PCSK5: variants seen among roughly 807,000 people sequenced by gnomAD.
PCSK5 encodes the protein proprotein convertase subtilisin/kexin type 5.
Under a neutral mutation model 233.2 loss-of-function variants are expected in PCSK5, and 129 were observed. The ratio of observed to expected loss-of-function variants is 0.55; its 90% confidence interval spans 0.48 to 0.64. PCSK5 has a LOEUF of 0.64. Among genes scored for constraint, PCSK5 ranks in the 30% least tolerant of loss-of-function variants. The pLI is 0.00. For synonymous variants in PCSK5, 825 were observed against 879.2 expected (o/e 0.94, Z 1.09); for missense variants, 2,076 against 2,430.1 (o/e 0.85, Z 3.06).
intron 2 of PCSK5, among the ~76,000 whole-genome samples, chr9:75,947,699 C>A (rs925003254): frequency 2.6e-5 from 4 of 152,152 alleles, no homozygotes; most frequent in Non-Finnish European, 5.9e-5. Context: ...CCTTCTTCAA[C>A]TCACTTTTGT....
At chr9:75,930,022 C>G (rs1823708265) in intron 1 of PCSK5, among the ~76,000 whole-genome samples, 1 of 152,050 alleles carries the variant, frequency 6.6e-6, no homozygotes, top group East Asian at 1.9e-4. Context: ...GCTACCACGC[C>G]CAGCTGATTT....
At chr9:76,025,411 GA>G (rs1819257560) in intron 4 of PCSK5, among the ~76,000 whole-genome samples, 1 of 151,842 alleles carries the variant, frequency 6.6e-6, no homozygotes, top group Non-Finnish European at 1.5e-5. Flanking sequence ...GAGAGAGAGA[GA>G]GAGAGAGAGA....
intron 2 of PCSK5, among the ~76,000 whole-genome samples, chr9:75,959,066 A>T (rs949166406): frequency 6.6e-6 from 1 of 152,206 alleles, no homozygotes; most frequent in Admixed American, 6.5e-5. Flanking sequence ...GGCAATTAAT[A>T]GGAGAGCAGT....
At chr9:76,214,296 ACACACACACACGTG>A (rs746936642) in intron 20 of PCSK5, among the ~76,000 whole-genome samples, 63 of 150,842 alleles carry the variant, frequency 4.2e-4, no homozygotes, top group Non-Finnish European at 6.5e-4. Flanking sequence ...ACATTCACTC[ACACACACACACGTG>A]CACACACACA....
At chr9:76,315,965 A>G (rs546276348) in intron 30 of PCSK5, among the ~76,000 whole-genome samples, 10 of 126,804 alleles carry the variant, frequency 7.9e-5, no homozygotes, top group Non-Finnish European at 1.6e-4. Flanking sequence ...TTTTGCTTGA[A>G]TCCATTTCTT....
At chr9:76,008,818 T>A (rs1180148246) in intron 3 of PCSK5, among the ~76,000 whole-genome samples, 1 of 152,224 alleles carries the variant, frequency 6.6e-6, no homozygotes, top group Non-Finnish European at 1.5e-5. Flanking sequence ...GTTGGAGATG[T>A]CATAGGACAA....
At chr9:75,911,201 G>GTTTTTTTTTTTTTTTT (rs71370772) in intron 1 of PCSK5, among the ~76,000 whole-genome samples, 13 of 48,766 alleles carry the variant, frequency 2.7e-4, no homozygotes, top group East Asian at 7.3e-4. Context: ...GAACATATAG[G>GTTTTTTTTTTTTTTTT]TTTTTTTTTT....
chr9:76,046,559 C>CTTTTTTTTTTTTTTTTTTTT (rs553542037), intron 5 of PCSK5, among the ~76,000 whole-genome samples: 147 of 104,778 alleles, frequency 1.4e-3, no homozygotes, highest in Non-Finnish European at 2.0e-3. Context: ...CTTTCTTTTT[C>CTTTTTTTTTTTTTTTTTTTT]TTTTTTTTTT....
Position 76,027,042 on chromosome 9 carries a change from G to A in PCSK5, c.632+5G>A. On this transcript the variant is annotated splice_donor_5th_base_variant and intron_variant, in intron 5 of 37. Transcript: ENST00000674117. Reference sequence around the variant, plus strand: ...TGATGCAAGCAACGAGAACAAGTAAGGCCCAAGTGAGGGGTGGCTGGCATG... The same window carrying A: ...TGATGCAAGCAACGAGAACAAGTAAAGCCCAAGTGAGGGGTGGCTGGCATG... The A allele has an allele frequency of 6.3e-7, 1 of 1,598,416 alleles. No homozygotes were observed. The highest frequency in any genetic ancestry group is 8.6e-7 in the Non-Finnish European group (1 of 1,169,094).
chr9:75,940,815 T>C (rs1297868401), intron 2 of PCSK5, among the ~76,000 whole-genome samples: 1 of 152,244 alleles, frequency 6.6e-6, no homozygotes, highest in Non-Finnish European at 1.5e-5. Context: ...AATTGATCCA[T>C]GGAGGCAACC....
At chr9:76,278,419 AAAAGT>A (rs1827756047) in intron 24 of PCSK5, among the ~76,000 whole-genome samples, 1 of 152,176 alleles carries the variant, frequency 6.6e-6, no homozygotes, top group African/African-American at 2.4e-5. Context: ...AAAGGAACAA[AAAAGT>A]AAAGAGCTTA....
chr9:75,956,995 C>T (rs1825122954), intron 2 of PCSK5, among the ~76,000 whole-genome samples: 1 of 152,072 alleles, frequency 6.6e-6, no homozygotes, highest in Non-Finnish European at 1.5e-5. Context: ...TTACGAATAA[C>T]ATTTTTTTAG....
At chr9:75,910,938 G>A (rs889102639) in intron 1 of PCSK5, among the ~76,000 whole-genome samples, 13 of 152,250 alleles carry the variant, frequency 8.5e-5, no homozygotes, top group East Asian at 3.9e-4. Flanking sequence ...AAATGTGATG[G>A]TCTGAATTTC....
chr9:76,038,420 CTTAA>C (rs1308076570), intron 5 of PCSK5, among the ~76,000 whole-genome samples: 3 of 152,172 alleles, frequency 2.0e-5, no homozygotes, highest in South Asian at 2.1e-4. Context: ...GGTCAGCAGT[CTTAA>C]TTGTGACCTG....
At position 76,312,424 on chromosome 9, in the gene PCSK5, G is replaced by A. The variant is rs955327469; in HGVS notation, c.3884+1573G>A. ...CTCGGGAGGCTGAAGCAGGAGACTCGTTTGAACTCGGGAGGTGGAGGTTGT... is the reference window on the plus strand; with the variant it reads ...CTCGGGAGGCTGAAGCAGGAGACTCATTTGAACTCGGGAGGTGGAGGTTGT... On this transcript the variant is annotated intron_variant, in intron 30 of 37. Transcript: ENST00000674117. Among the ~76,000 whole-genome samples the A allele has an allele frequency of 5.3e-5, 8 of 151,324 alleles. No individual in the cohort carries two copies. The South Asian group carries it at 8.4e-4, about 16-fold the overall frequency.
intron 25 of PCSK5, among the ~76,000 whole-genome samples, chr9:76,294,000 C>A (rs1335721440): frequency 6.6e-6 from 1 of 152,112 alleles, no homozygotes; most frequent in African/African-American, 2.4e-5. Flanking sequence ...AGTTTGGGAC[C>A]AGCCTAGCCA....
rs555592888 is a variant in PCSK5 at position 75,955,080 on chromosome 9, G to T, written c.297+22597G>T. On this transcript the variant is annotated intron_variant, in intron 2 of 37. Coordinates refer to ENST00000674117, the MANE Select transcript of PCSK5 (RefSeq NM_001372043.1). ...CTATATGAAGGGAAACCTAGTATTT[G>T]TCAAGCACCTAGTATGTGCTGGGCA... is the stretch of plus-strand genomic sequence containing the variant. 1.2e-4 allele frequency among the ~76,000 whole-genome samples: 19 copies of T among 152,160 alleles called. 1 individual carries two copies. The highest frequency in any genetic ancestry group is 2.6e-4 in the Non-Finnish European group (18 of 68,016).
chr9:76,326,489 C>A (rs2131469657), intron 32 of PCSK5, among the ~76,000 whole-genome samples: 1 of 152,300 alleles, frequency 6.6e-6, no homozygotes, highest in South Asian at 2.1e-4. Flanking sequence ...ATAGTACAGA[C>A]ACCTCTAAAA....
At chr9:76,157,335 A>G (rs575319320) in intron 11 of PCSK5, among the ~76,000 whole-genome samples, 173 bp downstream of exon 11, 1 of 152,310 alleles carries the variant, frequency 6.6e-6, no homozygotes, top group South Asian at 2.1e-4. Flanking sequence ...TTAAATTCGT[A>G]CTAGTATAGC....
Sources: allele counts gnomAD v4.1 joint callset (sites outside exome capture counted in the v4.1 genomes callset), GRCh38; gene constraint gnomAD v4.1.1; transcripts MANE v1.5; gene names NCBI Gene and HGNC (gene_info 2026-07-23, HGNC 2026-07-21).